The following CDH18 variants were observed in gnomAD, a reference collection of about 807,000 sequenced individuals.
CDH18 encodes cadherin-18.
In CDH18, 31 loss-of-function variants were observed where a neutral mutation model predicts 67.9. The observed-to-expected ratio is 0.46, with a 90% confidence interval of 0.34 to 0.62. The LOEUF is 0.62. CDH18 is among the 20% of genes least tolerant of loss of function. CDH18 has a pLI of 0.01. For missense variants in CDH18, 890 were observed against 975.5 expected (o/e 0.91, Z 1.17); for synonymous variants, 362 against 347.2 (o/e 1.04, Z -0.48).
At chr5:19,579,531 C>T (rs1043853900) in intron 7 of CDH18, among the ~76,000 whole-genome samples, 1 of 151,696 alleles carries the variant, frequency 6.6e-6, no homozygotes, top group Non-Finnish European at 1.5e-5. Context: ...ATACAATAAA[C>T]AGCAATTAAA....
intron 3 of CDH18, among the ~76,000 whole-genome samples, chr5:19,773,529 G>C (rs1178793276): frequency 6.6e-6 from 1 of 152,018 alleles, no homozygotes. Flanking sequence ...AAAATAAATA[G>C]GCATTTTATT....
At chr5:19,760,013 C>A (rs988701232) in intron 3 of CDH18, among the ~76,000 whole-genome samples, 1 of 152,070 alleles carries the variant, frequency 6.6e-6, no homozygotes, top group African/African-American at 2.4e-5. Context: ...ATCAATTTCA[C>A]TTCTAGGGAC....
intron 5 of CDH18, among the ~76,000 whole-genome samples, chr5:19,678,077 AATT>A (rs1759748755): frequency 6.6e-6 from 1 of 151,970 alleles, no homozygotes; most frequent in Non-Finnish European, 1.5e-5. Context: ...CGAGGCAGAA[AATT>A]AACAAAGATA....
chr5:19,473,200 T>G lies in CDH18; in HGVS notation c.*26A>C. 7 of 1,602,236 alleles carry G rather than the reference T, an allele frequency of 4.4e-6. No homozygotes were observed. The highest frequency in any genetic ancestry group is 6.0e-6 in the Non-Finnish European group (7 of 1,172,752). On this transcript the variant is annotated 3_prime_UTR_variant, in exon 13 of 13. Coordinates refer to ENST00000382275, the MANE Select transcript of CDH18 (RefSeq NM_004934.5). Reference sequence around the variant, plus strand: ...ATATCCACTTACTCAGGAAGCAAATTCCACAAGGTTGCAAGAACTGACCCC... The same window carrying G: ...ATATCCACTTACTCAGGAAGCAAATGCCACAAGGTTGCAAGAACTGACCCC...
At chr5:20,379,889 C>T (rs1314290602) in intron 1 of CDH18, among the ~76,000 whole-genome samples, 1 of 151,696 alleles carries the variant, frequency 6.6e-6, no homozygotes, top group African/African-American at 2.4e-5. Flanking sequence ...GGTTGTGACC[C>T]CAATCACTGA....
At chr5:19,554,977 A>G (rs1363381186) in intron 8 of CDH18, among the ~76,000 whole-genome samples, 1 of 152,248 alleles carries the variant, frequency 6.6e-6, no homozygotes, top group African/African-American at 2.4e-5. Context: ...AGTTACTATA[A>G]TGGAGGAAAT....
At chr5:19,485,732 G>A (rs1740290309) in intron 11 of CDH18, among the ~76,000 whole-genome samples, 1 of 152,108 alleles carries the variant, frequency 6.6e-6, no homozygotes, top group African/African-American at 2.4e-5. Context: ...TTAGTCTATG[G>A]GAAATGTGTG....
chr5:20,152,358 T>C (rs1751193151), intron 2 of CDH18, among the ~76,000 whole-genome samples: 1 of 150,730 alleles, frequency 6.6e-6, no homozygotes, highest in Non-Finnish European at 1.5e-5. Context: ...GTTTTCAATA[T>C]TGGCATTCCT....
chr5:19,858,896 T>A (rs16888179), intron 2 of CDH18, among the ~76,000 whole-genome samples: 2,582 of 152,144 alleles, frequency 0.017, 67 homozygotes, highest in African/African-American at 0.058. Context: ...TAAAGCACAA[T>A]GAGCATACAA....
chr5:19,792,474 C>T (rs1776462159), intron 3 of CDH18, among the ~76,000 whole-genome samples: 1 of 152,144 alleles, frequency 6.6e-6, no homozygotes, highest in South Asian at 2.1e-4. Context: ...GGTTCTCCAG[C>T]CTGCAGACAG....
At chr5:19,871,256 A>G (rs1268603055) in intron 2 of CDH18, among the ~76,000 whole-genome samples, 2 of 152,252 alleles carry the variant, frequency 1.3e-5, no homozygotes, top group Non-Finnish European at 2.9e-5. Context: ...ACTGCCTGTC[A>G]TAGAACCAGC....
At chr5:20,407,813 A>G (rs1327093782) in intron 1 of CDH18, among the ~76,000 whole-genome samples, 1 of 152,014 alleles carries the variant, frequency 6.6e-6, no homozygotes, top group Non-Finnish European at 1.5e-5. Flanking sequence ...CCAGAAGAAA[A>G]AGAGAGGAAA....
Position 20,318,019 on chromosome 5 carries a change from G to A in CDH18, c.-579-62514C>T, listed in dbSNP as rs566862243. 4.5e-4 allele frequency among the ~76,000 whole-genome samples: 68 copies of A among 150,420 alleles called. 1 individual carries two copies. The East Asian group carries it at 6.9e-3, about 15-fold the overall frequency. ...TATTAATGTCATTGAAGATACTGGA[G>A]TAATGAAAACTATATAGTTTTTGCT... On this transcript the variant is annotated intron_variant, in intron 1 of 14. Coordinates refer to the CDH18 transcript ENST00000507958.
At chr5:19,752,962 A>C (rs6896138) in intron 3 of CDH18, among the ~76,000 whole-genome samples, 17,883 of 152,164 alleles carry the variant, frequency 0.12, 1,163 homozygotes, top group Admixed American at 0.15. Flanking sequence ...TCAGGAAGCC[A>C]CATCCATAGG....
At chr5:19,648,494 A>G (rs1755110026) in intron 5 of CDH18, among the ~76,000 whole-genome samples, 1 of 152,192 alleles carries the variant, frequency 6.6e-6, no homozygotes, top group South Asian at 2.1e-4. Context: ...AAGTAGTTGC[A>G]TATCAGTGAT....
At chr5:19,485,518 G>A (rs1740251374) in intron 11 of CDH18, among the ~76,000 whole-genome samples, 1 of 152,160 alleles carries the variant, frequency 6.6e-6, no homozygotes, top group Non-Finnish European at 1.5e-5. Flanking sequence ...GCCTCCCAAA[G>A]TGCTGGGATT....
At chr5:19,665,549 A>G (rs1473490949) in intron 5 of CDH18, among the ~76,000 whole-genome samples, 1 of 152,110 alleles carries the variant, frequency 6.6e-6, no homozygotes, top group Non-Finnish European at 1.5e-5. Context: ...ATTCCTTGCT[A>G]TCAATTAAGA....
intron 8 of CDH18, among the ~76,000 whole-genome samples, chr5:19,562,308 T>C (rs1739591878): frequency 2.0e-5 from 3 of 152,182 alleles, no homozygotes; most frequent in Non-Finnish European, 4.4e-5. Context: ...TCACTTTCCC[T>C]CTTGAACTTT....
At chr5:19,514,710 A>G (rs192331484) in intron 10 of CDH18, among the ~76,000 whole-genome samples, 2 of 152,160 alleles carry the variant, frequency 1.3e-5, no homozygotes, top group Non-Finnish European at 2.9e-5. Context: ...TTTTTCTTGT[A>G]CATTTGTTTA....
Sources: allele counts gnomAD v4.1 joint callset (sites outside exome capture counted in the v4.1 genomes callset), GRCh38; gene constraint gnomAD v4.1.1; transcripts MANE v1.5; gene names NCBI Gene and HGNC (gene_info 2026-07-23, HGNC 2026-07-21).